The following UTS2 variants were observed in gnomAD, a reference collection of about 807,000 sequenced individuals.
UTS2 encodes the protein urotensin-2.
A neutral mutation model predicts 12.6 loss-of-function variants in UTS2; 10 were observed. The observed-to-expected ratio is 0.80, with a 90% CI of 0.49 to 1.35. UTS2 has a LOEUF of 1.35. Among genes scored for constraint, UTS2 ranks in the 40% most tolerant of loss-of-function variants. The pLI, the probability that UTS2 is intolerant of heterozygous loss-of-function variation, is 0.00. For missense variants in UTS2, 142 were observed against 143.2 expected, an observed-to-expected ratio of 0.99 and a Z score of 0.04; for synonymous variants, 52 against 50.0, an observed-to-expected ratio of 1.04 and a Z score of -0.17.
the UTS2 span, among the ~76,000 whole-genome samples, chr1:7,899,074 G>A: frequency 6.6e-6 from 1 of 152,138 alleles, no homozygotes; most frequent in Non-Finnish European, 1.5e-5. Context: ...GCCAAAACAG[G>A]AGGAAGAGAG....
chr1:7,863,062 TG>T, the UTS2 span, among the ~76,000 whole-genome samples: 2 of 82,882 alleles, frequency 2.4e-5, no homozygotes, highest in Non-Finnish European at 2.7e-5. Context: ...TGTATTGTAT[TG>T]TATTGTATTG....
upstream of UTS2, among the ~76,000 whole-genome samples, chr1:7,857,249 A>G (rs1305218736): frequency 6.6e-6 from 1 of 152,078 alleles, no homozygotes; most frequent in Non-Finnish European, 1.5e-5. Flanking sequence ...CTCTGCCCTC[A>G]GTGACTTGAC....
chr1:7,907,890 G>A, the UTS2 span, among the ~76,000 whole-genome samples: 2 of 151,958 alleles, frequency 1.3e-5, no homozygotes, highest in South Asian at 2.1e-4. Context: ...GGCTGGGCAC[G>A]GTGGCTAGCA....
chr1:7,892,814 C>G, the UTS2 span, among the ~76,000 whole-genome samples: 3 of 152,116 alleles, frequency 2.0e-5, no homozygotes, highest in African/African-American at 4.8e-5. Flanking sequence ...TTAAAGGGAC[C>G]CTTGTGATTA....
chr1:7,901,715 C>A, the UTS2 span, among the ~76,000 whole-genome samples: 3 of 151,630 alleles, frequency 2.0e-5, no homozygotes, highest in South Asian at 6.2e-4. Context: ...AATGAGGAAA[C>A]GGACTTCGTG....
chr1:7,891,656 C>CAAT, the UTS2 span, among the ~76,000 whole-genome samples: 1 of 151,234 alleles, frequency 6.6e-6, no homozygotes, highest in Non-Finnish European at 1.5e-5. Flanking sequence ...GTATATGAGG[C>CAAT]AATGAGTATG....
chr1:7,878,097 C>A, the UTS2 span, among the ~76,000 whole-genome samples: 1 of 152,188 alleles, frequency 6.6e-6, no homozygotes, highest in Non-Finnish European at 1.5e-5. Flanking sequence ...TCTCAGCAGG[C>A]CTTACAGGCC....
At chr1:7,889,750 G>A in the UTS2 span, among the ~76,000 whole-genome samples, 1 of 151,594 alleles carries the variant, frequency 6.6e-6, no homozygotes. Flanking sequence ...GAACCTGGGA[G>A]ATGGAGGTTG....
At chr1:7,860,108 AGGGACTGTGTAG>A in the UTS2 span, among the ~76,000 whole-genome samples, 2 of 152,244 alleles carry the variant, frequency 1.3e-5, no homozygotes, top group Non-Finnish European at 2.9e-5. Flanking sequence ...AGCATGTGCC[AGGGACTGTGTAG>A]GGTACTAGGG....
chr1:7,873,451 T>TA, the UTS2 span, among the ~76,000 whole-genome samples: 2 of 152,152 alleles, frequency 1.3e-5, no homozygotes, highest in Non-Finnish European at 2.9e-5. Context: ...TGGGATGAGA[T>TA]AAAAAAATCA....
chr1:7,854,154 A>C (rs1203462172), upstream of UTS2, among the ~76,000 whole-genome samples: 2 of 151,292 alleles, frequency 1.3e-5, no homozygotes, highest in African/African-American at 2.4e-5. Flanking sequence ...GACCAGCCTG[A>C]CCAACATGGT....
At chr1:7,854,477 A>G (rs1309318349), upstream of UTS2, among the ~76,000 whole-genome samples, 25 of 149,202 alleles carry the variant, frequency 1.7e-4, no homozygotes, top group Admixed American at 1.5e-3. Flanking sequence ...GTCCCACTGC[A>G]CTCCAGCCTG....
At chr1:7,890,421 C>T in the UTS2 span, among the ~76,000 whole-genome samples, 1 of 152,090 alleles carries the variant, frequency 6.6e-6, no homozygotes, top group Non-Finnish European at 1.5e-5. Context: ...GCTCTTCTGT[C>T]TTCATGGTGA....
At chr1:7,854,300 C>A (rs28893508), upstream of UTS2, among the ~76,000 whole-genome samples, 1 of 149,838 alleles carries the variant, frequency 6.7e-6, no homozygotes, top group Non-Finnish European at 1.5e-5. Context: ...GCCAAGATTG[C>A]GCCACAGCAG....
At chr1:7,895,195 C>G in the UTS2 span, among the ~76,000 whole-genome samples, 1 of 151,964 alleles carries the variant, frequency 6.6e-6, no homozygotes, top group Admixed American at 6.6e-5. Context: ...ATGGGGAAAC[C>G]CTGTCTCTAC....
At chr1:7,904,835 C>T in the UTS2 span, among the ~76,000 whole-genome samples, 1 of 129,970 alleles carries the variant, frequency 7.7e-6, no homozygotes, top group African/African-American at 3.0e-5. Context: ...ACCCGGGAGG[C>T]AGAGGTTAGA....
the UTS2 span, among the ~76,000 whole-genome samples, chr1:7,903,629 A>G: frequency 6.6e-6 from 1 of 152,080 alleles, no homozygotes; most frequent in African/African-American, 2.4e-5. Flanking sequence ...GACTCAAGCG[A>G]TCCTCCCACG....
the UTS2 span, among the ~76,000 whole-genome samples, chr1:7,866,122 G>A: frequency 6.6e-6 from 1 of 152,198 alleles, no homozygotes; most frequent in African/African-American, 2.4e-5. The surrounding 1 kb of genome is among the most constrained non-coding windows in gnomAD (Gnocchi z 4.5). Context: ...CGACCACGCT[G>A]ACCATGCCCA....
At chr1:7,909,447 G>A in the UTS2 span, among the ~76,000 whole-genome samples, 19,210 of 150,000 alleles carry the variant, frequency 0.13, 1,526 homozygotes, top group Non-Finnish European at 0.17. Flanking sequence ...AGGAGGCTGA[G>A]AGAGGAGAAT....
Sources: gnomAD v4.1 joint callset for allele counts (sites outside exome capture counted in the v4.1 genomes callset) on GRCh38, gnomAD v4.1.1 for gene constraint, Gnocchi (gnomAD v3.1) non-coding constraint, MANE v1.5 for transcripts, NCBI Gene and HGNC (gene_info 2026-07-23, HGNC 2026-07-21) for gene names.